Variants in LOXHD1 observed in about 807,000 individuals in gnomAD.
LOXHD1 encodes the protein lipoxygenase homology domain-containing protein 1.
LOXHD1 carries 205 observed loss-of-function variants against 248.2 expected under a neutral mutation model. The ratio of observed to expected loss-of-function variants is 0.83; its 90% CI spans 0.74 to 0.93. The LOEUF is 0.93. LOXHD1 is among the 40% of genes least tolerant of loss of function. LOXHD1 has a pLI of 0.00. For synonymous variants in LOXHD1, 1,113 were observed against 1,162.8 expected (o/e 0.96, Z 0.87); for missense variants, 2,930 against 2,971.6 (o/e 0.99, Z 0.33).
intron 37 of LOXHD1, among the ~76,000 whole-genome samples, chr18:46,501,737 C>T (rs970824244): frequency 6.6e-6 from 1 of 152,134 alleles, no homozygotes; most frequent in Non-Finnish European, 1.5e-5. Flanking sequence ...TTCACAGCAA[C>T]ATTATAGGGC....
intron 36 of LOXHD1, among the ~76,000 whole-genome samples, chr18:46,506,583 G>A (rs2034588480): frequency 1.3e-5 from 2 of 152,206 alleles, no homozygotes; most frequent in Admixed American, 6.5e-5. Flanking sequence ...TATTTTCTGA[G>A]TGCATCATAA....
In LOXHD1 at chr18:46,483,754, AAC is replaced by A. The variant is rs1491024414; in HGVS notation, c.6183-11_6183-10del. 1 of 1,539,106 alleles carries A rather than the reference AAC, an allele frequency of 6.5e-7. No homozygotes were observed. Among genetic ancestry groups the A allele is most frequent in the Non-Finnish European group, 8.8e-7 (1 of 1,138,554 alleles). On this transcript the variant is annotated splice_polypyrimidine_tract_variant and intron_variant, in intron 39 of 40. Transcript: ENST00000642948. The stretch of plus-strand genomic sequence containing the variant: ...ACGTGTCTGTGGTCCCCCTGCAGGA[AAC>A]AAAAGTGTGGTCCATGAGCTGCCTT...
intron 23 of LOXHD1, chr18:46,544,690 A>T (rs1217935934): frequency 2.5e-6 from 1 of 392,302 alleles, no homozygotes; most frequent in Non-Finnish European, 5.3e-6. Context: ...TCACACAGCT[A>T]ATAAATGGTG....
At chr18:46,489,687 T>G (rs1246138476) in intron 37 of LOXHD1, among the ~76,000 whole-genome samples, 1 of 152,200 alleles carries the variant, frequency 6.6e-6, no homozygotes, top group Non-Finnish European at 1.5e-5. Flanking sequence ...TCCATGCTCC[T>G]ATAGCCCCCT....
At chr18:46,537,747 A>C (rs572995182) in intron 26 of LOXHD1, among the ~76,000 whole-genome samples, 17 of 152,282 alleles carry the variant, frequency 1.1e-4, no homozygotes, top group Admixed American at 6.5e-4. Context: ...TGAGCAGGAG[A>C]CCCTAGCCCA....
In LOXHD1 at chr18:46,557,458, AG is replaced by A. The variant is rs2143975906; in HGVS notation, c.3247del (p.Leu1083TrpfsTer4). ...AATCCGAATCTTGGTCAGGGCCCCC[AG>A]GTCAATGGCATAGATGGTGAAGGTG... ...TDTFTIYAIDLGALTKIRIRH... is the reference protein window; with the variant it reads ...TDTFTIYAIDXGALTKIRIRH... On this transcript the variant is annotated frameshift_variant, in exon 21 of 41. Transcript: ENST00000642948. LOFTEE classifies it high-confidence loss of function. The A allele has an allele frequency of 6.4e-7, 1 of 1,552,008 alleles. No homozygotes were observed. Among genetic ancestry groups the A allele is most frequent in the East Asian group, 2.4e-5 (1 of 40,924 alleles).
intron 38 of LOXHD1, among the ~76,000 whole-genome samples, chr18:46,488,264 C>T (rs984610226): frequency 3.3e-5 from 5 of 152,172 alleles, no homozygotes; most frequent in African/African-American, 1.2e-4. Context: ...CTAAATCACT[C>T]CGTGGAAGAC....
intron 5 of LOXHD1, among the ~76,000 whole-genome samples, chr18:46,613,831 A>T (rs2038543981): frequency 6.6e-6 from 1 of 152,222 alleles, no homozygotes; most frequent in South Asian, 2.1e-4. Context: ...AAATTATACA[A>T]ATAGACTAAT....
chr18:46,581,010 T>C (rs1360844644), intron 12 of LOXHD1, among the ~76,000 whole-genome samples: 1 of 152,214 alleles, frequency 6.6e-6, no homozygotes, highest in African/African-American at 2.4e-5. Flanking sequence ...GGCTTCCTTT[T>C]TATTTTTAAT....
chr18:46,654,778 G>A (rs549451046), intron 1 of LOXHD1, among the ~76,000 whole-genome samples: 46 of 152,310 alleles, frequency 3.0e-4, no homozygotes, highest in African/African-American at 9.1e-4. Context: ...TGTGACCACC[G>A]TTAGCATCAT....
intron 22 of LOXHD1, among the ~76,000 whole-genome samples, chr18:46,546,110 G>C (rs2036811936): frequency 6.6e-6 from 1 of 152,052 alleles, no homozygotes; most frequent in Admixed American, 6.5e-5. Context: ...CAGCAGCCAG[G>C]AGCCCCATTC....
intron 28 of LOXHD1, 56 bp from the exon 29 acceptor site, chr18:46,529,387 T>A: frequency 6.7e-7 from 1 of 1,490,994 alleles, no homozygotes; most frequent in Non-Finnish European, 9.0e-7. Flanking sequence ...GTGACAGCGC[T>A]TTAGGTCTTG....
intron 12 of LOXHD1, among the ~76,000 whole-genome samples, chr18:46,585,478 T>C (rs918828690): frequency 6.6e-6 from 1 of 152,024 alleles, no homozygotes; most frequent in African/African-American, 2.4e-5. Context: ...TAGAAGTAAA[T>C]TTAAGAAAAC....
rs2038620865 is a variant in LOXHD1, at chr18:46,618,390, A to G, written c.512-100T>C. On this transcript the variant is annotated intron_variant, in intron 4 of 40. Transcript: ENST00000642948. Reference sequence around the variant, plus strand: ...CACACCATCTACACTTACCCCCAGCAATGCATAAATTGTCACCATTACTGT... The same window carrying G: ...CACACCATCTACACTTACCCCCAGCGATGCATAAATTGTCACCATTACTGT... 13 of 758,564 alleles carry G rather than the reference A, an allele frequency of 1.7e-5. No individual in the cohort carries two copies. The South Asian group carries it at 2.1e-4, about 12-fold the overall frequency. The allele number at this position is 758,564 out of a possible 1,614,324, so 47.0% of individuals were successfully genotyped here. A position where few individuals can be genotyped will look rare whatever the true frequency, so the allele number is the denominator to read the frequency against.
At chr18:46,490,987 T>C (rs2033432776) in intron 37 of LOXHD1, among the ~76,000 whole-genome samples, 1 of 152,106 alleles carries the variant, frequency 6.6e-6, no homozygotes, top group Non-Finnish European at 1.5e-5. Flanking sequence ...AGTCTGGAAA[T>C]GAGGCAGAGG....
intron 29 of LOXHD1, among the ~76,000 whole-genome samples, chr18:46,527,125 TGAGA>T (rs944540080): frequency 8.1e-5 from 12 of 148,666 alleles, no homozygotes; most frequent in Admixed American, 8.0e-4. Flanking sequence ...TAACAATTGC[TGAGA>T]GAGAGGAAAA....
At chr18:46,655,194 G>T (rs7241561) in intron 1 of LOXHD1, among the ~76,000 whole-genome samples, 14,069 of 152,256 alleles carry the variant, frequency 0.092, 777 homozygotes, top group Non-Finnish European at 0.13. Flanking sequence ...TGAGGTTCTT[G>T]TTGTCCATCC....
At chr18:46,519,010 T>G (rs2035424126) in intron 33 of LOXHD1, 1 of 985,366 alleles carries the variant, frequency 1.0e-6, no homozygotes, top group African/African-American at 1.7e-5. Context: ...CTGTCTCCAC[T>G]GGAGGGTGAG....
chr18:46,581,289 C>T (rs1023504477), intron 12 of LOXHD1, among the ~76,000 whole-genome samples: 15 of 152,144 alleles, frequency 9.9e-5, no homozygotes, highest in African/African-American at 3.6e-4. Flanking sequence ...CTGTTTTGGA[C>T]AAAATAGTTC....
Sources: gnomAD v4.1 joint callset for allele counts (sites outside exome capture counted in the v4.1 genomes callset) on GRCh38, gnomAD v4.1.1 for gene constraint, MANE v1.5 for transcripts, NCBI Gene and HGNC (gene_info 2026-07-23, HGNC 2026-07-21) for gene names.